Variants in XIRP2 observed in about 807,000 individuals in gnomAD.
XIRP2 encodes xin actin-binding repeat-containing protein 2.
In XIRP2, 236 loss-of-function variants were observed where a neutral mutation model predicts 277.0. That is an observed-to-expected ratio of 0.85 (90% CI 0.77 to 0.95). The LOEUF (loss-of-function observed/expected upper bound fraction) is 0.95. Among genes scored for constraint, XIRP2 ranks in the 40% least tolerant of loss-of-function variants. The probability of loss-of-function intolerance (pLI) is 0.00; values close to 1 mark genes in which losing one functional copy is unlikely to be tolerated. For synonymous variants in XIRP2, 1,490 were observed against 1,416.5 expected, an observed-to-expected ratio of 1.05 and a Z score of -1.17; for missense variants, 4,640 against 4,157.5, an observed-to-expected ratio of 1.12 and a Z score of -3.19.
intron 2 of XIRP2, among the ~76,000 whole-genome samples, chr2:166,935,117 G>A (rs980688712): frequency 6.6e-6 from 1 of 152,026 alleles, no homozygotes. Flanking sequence ...TTATAATTGG[G>A]TACATTGATG....
At chr2:166,997,114 A>T (rs1468474108) in intron 2 of XIRP2, among the ~76,000 whole-genome samples, 1 of 152,182 alleles carries the variant, frequency 6.6e-6, no homozygotes, top group Non-Finnish European at 1.5e-5. Context: ...ATTTGGTATG[A>T]TCATACCTTC....
At chr2:166,987,289 A>C (rs1376677652) in intron 2 of XIRP2, among the ~76,000 whole-genome samples, 1 of 152,198 alleles carries the variant, frequency 6.6e-6, no homozygotes, top group Admixed American at 6.5e-5. Flanking sequence ...GGGACTAGAT[A>C]TAGAGTAAAC....
chr2:167,240,346 C>T (rs1180971044), intron 6 of XIRP2, among the ~76,000 whole-genome samples: 3 of 151,984 alleles, frequency 2.0e-5, no homozygotes, highest in African/African-American at 4.8e-5. Context: ...ACCCGGGAGG[C>T]GGAGGTTGCA....
At chr2:166,912,570 G>A (rs908477629) in intron 2 of XIRP2, among the ~76,000 whole-genome samples, 8 of 152,098 alleles carry the variant, frequency 5.3e-5, no homozygotes, top group Non-Finnish European at 8.8e-5. Context: ...CCTCTAGCTT[G>A]GAGAAGTTTG....
chr2:167,130,719 G>A (rs989444151), intron 2 of XIRP2, among the ~76,000 whole-genome samples: 13 of 151,700 alleles, frequency 8.6e-5, no homozygotes, highest in African/African-American at 3.1e-4. Flanking sequence ...CGCTCTCTTA[G>A]ATCTCTTGGT....
intron 3 of XIRP2, among the ~76,000 whole-genome samples, chr2:167,177,650 C>A (rs1436137722): frequency 1.3e-5 from 2 of 151,966 alleles, no homozygotes; most frequent in African/African-American, 2.4e-5. Flanking sequence ...TGCCTCACTC[C>A]AAATTAATAT....
At position 167,251,692 on chromosome 2, in the gene XIRP2, A is replaced by T. The variant is rs768257206; in HGVS notation, c.10300A>T (p.Met3434Leu). The T allele has an allele frequency of 1.2e-6, 2 of 1,613,440 alleles. No individual in the cohort carries two copies. The highest frequency in any genetic ancestry group is 2.2e-5 in the South Asian group (2 of 91,046). The change falls in exon 9 of 11, where the codon ATG becomes TTG. Residue 3434 changes from methionine to leucine, a missense_variant. By Grantham distance (15) the Met-to-Leu change is conservative. Transcript: ENST00000409195. ...AFESQIVESK[M>L]KTSSSHSSEA... ...TGAGAGTCAAATTGTTGAGTCGAAGATGAAAACCTCTTCATCACATAGCTC... is the reference window on the plus strand; with the variant it reads ...TGAGAGTCAAATTGTTGAGTCGAAGTTGAAAACCTCTTCATCACATAGCTC...
At chr2:167,203,532 A>G (rs547720994) in intron 3 of XIRP2, among the ~76,000 whole-genome samples, 2 of 152,330 alleles carry the variant, frequency 1.3e-5, no homozygotes, top group South Asian at 4.1e-4. Flanking sequence ...TTTGCTGGAA[A>G]AAAATGCTAC....
chr2:167,181,038 C>A (rs533793460), intron 3 of XIRP2, among the ~76,000 whole-genome samples: 25 of 152,300 alleles, frequency 1.6e-4, no homozygotes, highest in African/African-American at 6.0e-4. Flanking sequence ...ATGGTACAAA[C>A]CATGAAATAT....
At chr2:166,981,457 T>A (rs577835824) in intron 2 of XIRP2, among the ~76,000 whole-genome samples, 1 of 151,948 alleles carries the variant, frequency 6.6e-6, no homozygotes, top group Non-Finnish European at 1.5e-5. Context: ...AGTCTTTCTC[T>A]GTCTCCCAGG....
At chr2:167,033,011 A>C (rs1201209346) in intron 2 of XIRP2, among the ~76,000 whole-genome samples, 1 of 152,200 alleles carries the variant, frequency 6.6e-6, no homozygotes. Flanking sequence ...TTACTGCAGC[A>C]CTATTTACTG....
chr2:167,244,966 A>G lies in XIRP2; in HGVS notation c.3574A>G (p.Ile1192Val), dbSNP rs746866958. The change falls in exon 9 of 11, where the codon ATA becomes GTA. Residue 1192 changes from isoleucine to valine, a missense_variant. By Grantham distance (29) the Ile-to-Val change is conservative (BLOSUM62 3). Coordinates refer to ENST00000409195, the MANE Select transcript of XIRP2 (RefSeq NM_152381.6). ...GGAAATCAAGCCTGTTGAAATGGAT[A>G]TACAAGCTGGAGATGTTTCCAGCAT... is the stretch of plus-strand genomic sequence containing the variant. ...VKEIKPVEMD[I>V]QAGDVSSMRY... is the part of the protein sequence containing the mutation. The G allele has an allele frequency of 1.9e-6, 3 of 1,613,238 alleles. No individual in the cohort carries two copies. Among genetic ancestry groups the G allele is most frequent in the Non-Finnish European group, 1.7e-6 (2 of 1,179,656 alleles).
intron 3 of XIRP2, among the ~76,000 whole-genome samples, chr2:167,152,050 C>A (rs956816062): frequency 2.0e-5 from 3 of 152,100 alleles, no homozygotes; most frequent in African/African-American, 7.2e-5. Context: ...TTACATGTGA[C>A]TGGCAGTTCT....
At chr2:167,175,090 A>G (rs1293865143) in intron 3 of XIRP2, among the ~76,000 whole-genome samples, 1 of 152,082 alleles carries the variant, frequency 6.6e-6, no homozygotes, top group Non-Finnish European at 1.5e-5. Context: ...GTAGATGTCT[A>G]TTAGGTCTGC....
intron 3 of XIRP2, among the ~76,000 whole-genome samples, chr2:167,210,045 A>C (rs1693978251): frequency 6.6e-6 from 1 of 152,118 alleles, no homozygotes; most frequent in Admixed American, 6.5e-5. Context: ...ATGGGTAAAT[A>C]TCAGGCTCTC....
rs375387533 is a variant in XIRP2 at position 167,249,502 on chromosome 2, A to G, written c.8110A>G (p.Ile2704Val). Reference protein sequence around the residue: ...EQLHLPQSKPISPNFKVKTIK... With the variant: ...EQLHLPQSKPVSPNFKVKTIK... ...GTTGCACTTGCCCCAAAGCAAACCA[A>G]TTTCCCCAAATTTCAAAGTTAAAAC... Residue 2704 changes from isoleucine (I) to valine (V), a missense_variant, in exon 9 of 11, where the codon ATT (isoleucine) becomes GTT (valine). By Grantham distance (29) the Ile-to-Val change is conservative (BLOSUM62 3). Coordinates refer to ENST00000409195, the MANE Select transcript of XIRP2 (RefSeq NM_152381.6). 6.2e-7 allele frequency: 1 copy of G among 1,613,762 alleles called. No homozygotes were observed. Among genetic ancestry groups the G allele is most frequent in the Non-Finnish European group, 8.5e-7 (1 of 1,179,796 alleles).
chr2:167,210,036 T>A (rs1036954083), intron 3 of XIRP2, among the ~76,000 whole-genome samples: 3 of 152,168 alleles, frequency 2.0e-5, no homozygotes, highest in African/African-American at 7.2e-5. Context: ...GATGGCTTCA[T>A]GGGTAAATAT....
intron 2 of XIRP2, among the ~76,000 whole-genome samples, chr2:166,956,022 CT>C (rs1686151985): frequency 6.6e-6 from 1 of 151,832 alleles, no homozygotes; most frequent in African/African-American, 2.4e-5. Context: ...TGAAATTTTA[CT>C]GCCAGCATTA....
chr2:167,010,702 C>T (rs1213823599), intron 2 of XIRP2, among the ~76,000 whole-genome samples: 1 of 151,908 alleles, frequency 6.6e-6, no homozygotes, highest in African/African-American at 2.4e-5. Context: ...CTACCCATGG[C>T]CATGGAATGT....
Sources: allele counts gnomAD v4.1 joint callset (sites outside exome capture counted in the v4.1 genomes callset), GRCh38; gene constraint gnomAD v4.1.1; transcripts MANE v1.5; gene names NCBI Gene and HGNC (gene_info 2026-07-23, HGNC 2026-07-21).